Variants in RIN3 observed in about 807,000 individuals in gnomAD.
The protein encoded by RIN3 is Ras and Rab interactor 3.
Under a neutral mutation model 76.3 loss-of-function variants are expected in RIN3, and 54 were observed. That is an observed-to-expected ratio of 0.71 (90% CI 0.57 to 0.89). The LOEUF is 0.89. Ranked by LOEUF, RIN3 falls within the 40% of genes least tolerant of loss-of-function variation. The pLI, the probability that RIN3 is intolerant of heterozygous loss-of-function variation, is 0.00. For synonymous variants in RIN3, 576 were observed against 564.0 expected, an observed-to-expected ratio of 1.02 and a Z score of -0.30; for missense variants, 1,256 against 1,322.1, an observed-to-expected ratio of 0.95 and a Z score of 0.78.
At chr14:92,626,262 T>A (rs1257573222) in intron 4 of RIN3, among the ~76,000 whole-genome samples, 1 of 152,178 alleles carries the variant, frequency 6.6e-6, no homozygotes, top group Non-Finnish European at 1.5e-5. Context: ...GCCAGGAGAA[T>A]GTTCACATTC....
At position 92,671,337 on chromosome 14, in the gene RIN3, C is replaced by T. The variant is rs761109098; in HGVS notation, c.2336-5138C>T. ...GGGGGTCCCAGGAGGGGGGGAACTG[C>T]GTGTGCAAAGGCCTGGAGAGGGGAG... On this transcript the variant is annotated intron_variant, in intron 7 of 9. Transcript: ENST00000216487. Among the ~76,000 whole-genome samples the T allele has an allele frequency of 5.3e-5, 8 of 152,140 alleles. No individual in the cohort carries two copies. In the South Asian group the frequency reaches 1.0e-3, roughly 20 times the overall value.
chr14:92,607,203 A>C (rs79583904), intron 3 of RIN3, among the ~76,000 whole-genome samples: 1 of 152,240 alleles, frequency 6.6e-6, no homozygotes, highest in African/African-American at 2.4e-5. Context: ...CCACAATGAG[A>C]TATCACTCTT....
chr14:92,537,832 AT>A (rs200533188), intron 1 of RIN3, among the ~76,000 whole-genome samples: 6,250 of 70,582 alleles, frequency 0.089, 481 homozygotes, highest in African/African-American at 0.27. Flanking sequence ...TATTTATTTT[AT>A]TTTATTTATT....
intron 3 of RIN3, among the ~76,000 whole-genome samples, chr14:92,613,188 CCT>C (rs999170028): frequency 6.6e-6 from 1 of 152,320 alleles, no homozygotes; most frequent in South Asian, 2.1e-4. Flanking sequence ...CTCTGTCTCC[CCT>C]CTCTGCTGCC....
chr14:92,573,230 G>T (rs1898115587), intron 2 of RIN3, among the ~76,000 whole-genome samples: 1 of 152,100 alleles, frequency 6.6e-6, no homozygotes, highest in Non-Finnish European at 1.5e-5. Flanking sequence ...TCTCACTGAG[G>T]ATCAGCTGGA....
Position 92,547,086 on chromosome 14 carries a change from T to TAATAAAATAA in RIN3, c.45-8664_45-8663insATAAAATAAA, listed in dbSNP as rs1897289163. Among the ~76,000 whole-genome samples the TAATAAAATAA allele has an allele frequency of 2.0e-5, 2 of 101,948 alleles. 1 individual carries two copies. The highest frequency in any genetic ancestry group is 4.1e-5 in the Non-Finnish European group (2 of 48,534). The allele number at this position is 101,948 out of a possible 152,430, so 66.9% of individuals were successfully genotyped here. On this transcript the variant is annotated intron_variant, in intron 1 of 9. Coordinates refer to ENST00000216487, the MANE Select transcript of RIN3 (RefSeq NM_024832.5). ...TTATATTTTATTTTATATTATATTA[T>TAATAAAATAA]ATTATATTATAATTAAATAAATTAT...
At chr14:92,584,053 A>G (rs1884671138) in intron 3 of RIN3, among the ~76,000 whole-genome samples, 1 of 151,950 alleles carries the variant, frequency 6.6e-6, no homozygotes, top group South Asian at 2.1e-4. Context: ...GGAGTTGGGG[A>G]CCCCTCATTT....
intron 3 of RIN3, among the ~76,000 whole-genome samples, chr14:92,608,407 T>A (rs1474090024): frequency 6.6e-6 from 1 of 152,234 alleles, no homozygotes; most frequent in Non-Finnish European, 1.5e-5. Context: ...ATTTGAGAAC[T>A]GGCAATGTAC....
At chr14:92,531,085 C>A (rs920698167) in intron 1 of RIN3, among the ~76,000 whole-genome samples, 1 of 152,134 alleles carries the variant, frequency 6.6e-6, no homozygotes, top group Non-Finnish European at 1.5e-5. Flanking sequence ...TCCCTATTGT[C>A]CCCAAAGTAA....
At chr14:92,524,779 C>T (rs1160186755) in intron 1 of RIN3, among the ~76,000 whole-genome samples, 1 of 152,214 alleles carries the variant, frequency 6.6e-6, no homozygotes, top group East Asian at 1.9e-4. Flanking sequence ...GTGGTTTCCC[C>T]AGGGTCTCCG....
intron 8 of RIN3, among the ~76,000 whole-genome samples, chr14:92,680,419 C>T (rs531593297): frequency 6.6e-6 from 1 of 152,212 alleles, no homozygotes; most frequent in African/African-American, 2.4e-5. Flanking sequence ...AGGCTGGTCT[C>T]GAACTCCTGA....
chr14:92,629,576 A>C (rs1365858348), intron 4 of RIN3, among the ~76,000 whole-genome samples: 1 of 152,206 alleles, frequency 6.6e-6, no homozygotes, highest in Admixed American at 6.5e-5. Context: ...GTCATAGCTG[A>C]AGTGCGAACT....
chr14:92,592,140 A>C (rs934237113), intron 3 of RIN3, among the ~76,000 whole-genome samples: 1 of 152,008 alleles, frequency 6.6e-6, no homozygotes, highest in African/African-American at 2.4e-5. Flanking sequence ...AGTGGCTCAC[A>C]CCTGTAATCC....
intron 3 of RIN3, among the ~76,000 whole-genome samples, chr14:92,607,449 C>G (rs934462609): frequency 3.3e-5 from 5 of 152,160 alleles, no homozygotes; most frequent in African/African-American, 1.2e-4. Context: ...TTACCCATCT[C>G]TACAAAAAAT....
At chr14:92,678,185 CCCATCCAT>C (rs892278317) in intron 8 of RIN3, among the ~76,000 whole-genome samples, 1 of 147,138 alleles carries the variant, frequency 6.8e-6, no homozygotes, top group African/African-American at 2.5e-5. Context: ...CACCCATTCA[CCCATCCAT>C]CCATCCATCC....
At chr14:92,630,561 G>C (rs776347013) in intron 4 of RIN3, among the ~76,000 whole-genome samples, 4 of 152,224 alleles carry the variant, frequency 2.6e-5, no homozygotes, top group Non-Finnish European at 4.4e-5. Flanking sequence ...TTGGGCCATA[G>C]GGGTTTGCTG....
chr14:92,664,835 C>T (rs1265704992), intron 7 of RIN3, among the ~76,000 whole-genome samples: 4 of 152,080 alleles, frequency 2.6e-5, no homozygotes, highest in African/African-American at 7.2e-5. Flanking sequence ...TGGAGTTGTC[C>T]GTTGCATAAA....
chr14:92,558,349 A>G (rs1376191412), intron 2 of RIN3, among the ~76,000 whole-genome samples: 4 of 152,178 alleles, frequency 2.6e-5, no homozygotes, highest in Non-Finnish European at 5.9e-5. Flanking sequence ...ACTCTGTCCA[A>G]AAAAAATGAT....
chr14:92,575,470 C>T (rs1316071752), intron 2 of RIN3, among the ~76,000 whole-genome samples: 1 of 152,196 alleles, frequency 6.6e-6, no homozygotes, highest in Non-Finnish European at 1.5e-5. Context: ...GTCTCATACT[C>T]ATGCTCGACT....
Sources: gnomAD v4.1 joint callset for allele counts (sites outside exome capture counted in the v4.1 genomes callset) on GRCh38, gnomAD v4.1.1 for gene constraint, MANE v1.5 for transcripts, NCBI Gene and HGNC (gene_info 2026-07-23, HGNC 2026-07-21) for gene names.